Variants in DAB1 observed in about 807,000 individuals in gnomAD.
The protein encoded by DAB1 is disabled homolog 1.
DAB1 carries 15 observed loss-of-function variants against 64.6 expected under a neutral mutation model. The ratio of observed to expected loss-of-function variants is 0.23; its 90% CI spans 0.16 to 0.36. DAB1 has a LOEUF of 0.36. DAB1 is among the 10% of genes least tolerant of loss of function. The pLI, the probability that DAB1 is intolerant of heterozygous loss-of-function variation, is 1.00. For missense variants in DAB1, 596 were observed against 706.7 expected (o/e 0.84, Z 1.78); for synonymous variants, 235 against 251.9 (o/e 0.93, Z 0.64).
intron 4 of DAB1, among the ~76,000 whole-genome samples, chr1:58,300,580 GAAAGAAAGAA>G (rs1662106296): frequency 5.2e-5 from 1 of 19,310 alleles, no homozygotes; most frequent in African/African-American, 1.5e-4. Flanking sequence ...AAGAAAGAAA[GAAAGAAAGAA>G]AGAAAGAAAG....
chr1:58,150,291 C>T (rs1292573265), intron 5 of DAB1, among the ~76,000 whole-genome samples: 1 of 152,172 alleles, frequency 6.6e-6, no homozygotes, highest in Non-Finnish European at 1.5e-5. Context: ...GTCTTAGACT[C>T]ACAGGTTCTA....
intron 6 of DAB1, among the ~76,000 whole-genome samples, chr1:57,731,006 G>C (rs1312013075): frequency 6.6e-6 from 1 of 152,188 alleles, no homozygotes; most frequent in African/African-American, 2.4e-5. Flanking sequence ...CACTGGAACA[G>C]ATGCTTGTAT....
At chr1:58,497,395 C>T (rs1475122839) in intron 3 of DAB1, among the ~76,000 whole-genome samples, 2 of 152,100 alleles carry the variant, frequency 1.3e-5, no homozygotes, top group Non-Finnish European at 2.9e-5. Flanking sequence ...TAAGGAATTA[C>T]TATGAGTTTC....
intron 1 of DAB1, among the ~76,000 whole-genome samples, chr1:57,332,077 C>T (rs571556568): frequency 1.3e-5 from 2 of 152,326 alleles, no homozygotes; most frequent in African/African-American, 2.4e-5. Flanking sequence ...GATTCTCGGG[C>T]CTCAGCCTCC....
At chr1:58,363,914 G>A (rs1418807499) in intron 3 of DAB1, among the ~76,000 whole-genome samples, 1 of 152,172 alleles carries the variant, frequency 6.6e-6, no homozygotes, top group Non-Finnish European at 1.5e-5. Context: ...ATAGAACAGT[G>A]CATGGATTGG....
At chr1:57,416,522 G>C (rs773678123) in intron 1 of DAB1, among the ~76,000 whole-genome samples, 2 of 152,154 alleles carry the variant, frequency 1.3e-5, no homozygotes, top group Admixed American at 6.5e-5. Flanking sequence ...TAATAGGACA[G>C]ATTTGGATAA....
intron 5 of DAB1, among the ~76,000 whole-genome samples, chr1:58,047,136 T>C (rs77806494): frequency 0.031 from 4,701 of 152,306 alleles, 175 homozygotes; most frequent in African/African-American, 0.095. Context: ...TATTATGCCA[T>C]GGATTGTGTC....
intron 6 of DAB1, among the ~76,000 whole-genome samples, chr1:57,650,878 C>T (rs1005856624): frequency 3.9e-5 from 6 of 152,078 alleles, no homozygotes; most frequent in African/African-American, 9.7e-5. Context: ...CCTCTGATGA[C>T]GTTTTTATGC....
At chr1:57,784,965 G>C (rs1473508717) in intron 6 of DAB1, among the ~76,000 whole-genome samples, 3 of 152,102 alleles carry the variant, frequency 2.0e-5, no homozygotes, top group Non-Finnish European at 4.4e-5. Flanking sequence ...TGGCTTTAAA[G>C]CTCCAAAAAA....
chr1:58,460,098 A>T (rs1164106644), intron 3 of DAB1, among the ~76,000 whole-genome samples: 1 of 152,238 alleles, frequency 6.6e-6, no homozygotes, highest in African/African-American at 2.4e-5. Flanking sequence ...AAACCACCAT[A>T]AACATGAACT....
At chr1:57,854,955 G>A (rs914169936) in intron 1 of DAB1, among the ~76,000 whole-genome samples, 8 of 152,172 alleles carry the variant, frequency 5.3e-5, no homozygotes, top group Non-Finnish European at 1.2e-4. Flanking sequence ...ATTGTAAAAT[G>A]AAATGGTCAC....
chr1:58,375,803 A>G (rs1241949880), intron 3 of DAB1, among the ~76,000 whole-genome samples: 1 of 145,908 alleles, frequency 6.9e-6, no homozygotes, highest in Non-Finnish European at 1.5e-5. Flanking sequence ...CTGTGAATCC[A>G]TCTGGTCCTG....
intron 1 of DAB1, among the ~76,000 whole-genome samples, chr1:57,849,430 T>G (rs543353374): frequency 6.6e-6 from 1 of 152,208 alleles, no homozygotes; most frequent in South Asian, 2.1e-4. Context: ...TCTAACAAAA[T>G]AAAGCAAAGA....
In DAB1 at chr1:57,857,715, A is replaced by C. The variant is rs1255474143; in HGVS notation, n.87+26284T>G. Among the ~76,000 whole-genome samples, 6 of 152,300 alleles carry C rather than the reference A, an allele frequency of 3.9e-5. No homozygotes were observed. In the East Asian group the frequency reaches 1.2e-3, roughly 29 times the overall value. ...ACTATTTACTAAGTACTAGCTGTGCATCAGGTACTATGTTAGAGGTTAGGC... is the reference window on the plus strand; with the variant it reads ...ACTATTTACTAAGTACTAGCTGTGCCTCAGGTACTATGTTAGAGGTTAGGC... On this transcript the variant is annotated intron_variant and non_coding_transcript_variant, in intron 1 of 1. Transcript: ENST00000477280.
chr1:57,920,799 T>C (rs906122879), intron 5 of DAB1, among the ~76,000 whole-genome samples: 21 of 152,228 alleles, frequency 1.4e-4, no homozygotes, highest in African/African-American at 4.6e-4. Flanking sequence ...ACTGTTATCA[T>C]AAAGGCTTTC....
intron 5 of DAB1, among the ~76,000 whole-genome samples, chr1:58,129,231 T>C: frequency 6.6e-6 from 1 of 151,672 alleles, no homozygotes; most frequent in East Asian, 1.9e-4. Flanking sequence ...CTAGATTTTC[T>C]AGTTTATTTG....
chr1:58,372,424 T>G (rs774112826), intron 3 of DAB1, among the ~76,000 whole-genome samples: 2 of 152,324 alleles, frequency 1.3e-5, no homozygotes, highest in East Asian at 1.9e-4. Context: ...GTATCTAACT[T>G]GCTTTTGATT....
intron 1 of DAB1, among the ~76,000 whole-genome samples, chr1:57,357,509 C>A (rs1384576232): frequency 2.2e-5 from 3 of 139,416 alleles, no homozygotes; most frequent in Non-Finnish European, 4.6e-5. Context: ...TAGAGATCTT[C>A]ACCTTCTTCC....
At chr1:57,719,692 C>T (rs550776361) in intron 6 of DAB1, among the ~76,000 whole-genome samples, 1 of 152,324 alleles carries the variant, frequency 6.6e-6, no homozygotes, top group Admixed American at 6.5e-5. Context: ...ACTATGAAGG[C>T]CACTATGTGG....
Sources: gnomAD v4.1 joint callset for allele counts (sites outside exome capture counted in the v4.1 genomes callset) on GRCh38, gnomAD v4.1.1 for gene constraint, MANE v1.5 for transcripts, NCBI Gene and HGNC (gene_info 2026-07-23, HGNC 2026-07-21) for gene names.